BEND2: variants seen among roughly 807,000 people sequenced by gnomAD.
BEND2 encodes the protein BEN domain-containing protein 2.
BEND2 carries 19 observed loss-of-function variants against 43.8 expected under a neutral mutation model. That is an observed-to-expected ratio of 0.43 (90% CI 0.30 to 0.64). The LOEUF (loss-of-function observed/expected upper bound fraction) is 0.64, where lower values mean the gene tolerates loss of function less well. Ranked by LOEUF, BEND2 falls within the 30% of genes least tolerant of loss-of-function variation. The pLI, the probability that BEND2 is intolerant of heterozygous loss-of-function variation, is 0.11. For missense variants in BEND2, 544 were observed against 574.0 expected, an observed-to-expected ratio of 0.95 and a Z score of 0.53; for synonymous variants, 226 against 210.1, an observed-to-expected ratio of 1.08 and a Z score of -0.66.
chrX:18,200,119 TG>T (rs1197731928), intron 6 of BEND2, among the ~76,000 whole-genome samples: 1 of 110,631 alleles, frequency 9.0e-6, no homozygotes, highest in Admixed American at 9.6e-5. Context: ...ATCCAAAAAC[TG>T]GAAAAAAAAA....
At chrX:18,212,775 G>A (rs912951914) in intron 3 of BEND2, 95 bp from the exon 4 acceptor site, 7 of 546,947 alleles carry the variant, frequency 1.3e-5, no homozygotes, top group African/African-American at 2.3e-5. Flanking sequence ...AAATTGAATT[G>A]GACTTTGGGT....
At chrX:18,187,736 C>A (rs1276485425) in intron 8 of BEND2, among the ~76,000 whole-genome samples, 1 of 112,059 alleles carries the variant, frequency 8.9e-6, no homozygotes, top group Non-Finnish European at 1.9e-5. Flanking sequence ...GCACAAGAAT[C>A]ATTCTCAAGG....
At chrX:18,186,967 GAAA>G (rs764383363) in intron 8 of BEND2, among the ~76,000 whole-genome samples, 1 of 83,282 alleles carries the variant, frequency 1.2e-5, no homozygotes. Flanking sequence ...ACCCTGTCTG[GAAA>G]AAAAAAAAAA....
Position 18,191,036 on chromosome X carries a change from T to A in BEND2, c.1253A>T (p.Asp418Val). 8.3e-7 allele frequency: 1 copy of A among 1,209,823 alleles called. No homozygotes were observed. Among genetic ancestry groups the A allele is most frequent in the Non-Finnish European group, 1.1e-6 (1 of 894,530 alleles). The change falls in exon 8 of 14, where the codon GAT becomes GTT. Residue 418 changes from aspartate (D) to valine (V), a missense_variant. Transcript: ENST00000380033. ...TEMKNNCDQD[D>V]ASASACLTPD... ...AGTGAGGCAGGCAGATGCTGAAGCA[T>A]CATCTTGGTCACAGTTATTTTTCAT... is the stretch of plus-strand genomic sequence containing the variant.
chrX:18,185,084 C>G (rs1924520951), intron 8 of BEND2, among the ~76,000 whole-genome samples: 1 of 109,252 alleles, frequency 9.2e-6, no homozygotes, highest in Non-Finnish European at 1.9e-5. Context: ...AATTAGTGAG[C>G]TTGAAGACAG....
chrX:18,212,048 G>A (rs940513519), intron 4 of BEND2, among the ~76,000 whole-genome samples: 6 of 108,010 alleles, frequency 5.6e-5, no homozygotes, highest in Non-Finnish European at 9.6e-5. Flanking sequence ...ACTGGGAAGA[G>A]GTCCCAGGCC....
rs760029050 is a variant in BEND2 at position 18,198,538 on chromosome X, A to C, written c.1034-3096T>G. Reference sequence around the variant, plus strand: ...CACACCAGTTAGAATGGCAATCATTAAAAAGTCAGGAAACAACAGGTGCTG... The same window carrying C: ...CACACCAGTTAGAATGGCAATCATTCAAAAGTCAGGAAACAACAGGTGCTG... On this transcript the variant is annotated intron_variant, in intron 6 of 13. Transcript: ENST00000380033. Among the ~76,000 whole-genome samples the C allele has an allele frequency of 2.4e-3, 273 of 111,713 alleles. 4 individuals are homozygous for C. The highest frequency in any genetic ancestry group is 4.7e-3 in the Admixed American group (49 of 10,518).
chrX:18,201,947 A>G lies in BEND2; in HGVS notation c.908-7T>C. The G allele has an allele frequency of 8.3e-7, 1 of 1,206,348 alleles. No homozygotes were observed. On this transcript the variant is annotated splice_polypyrimidine_tract_variant and splice_region_variant and intron_variant, in intron 5 of 13. Coordinates refer to ENST00000380033, the MANE Select transcript of BEND2 (RefSeq NM_153346.5). ...GCTGGTCTTTCTGGCATTTCTGTAA[A>G]TAAAAAGTTTTCAAGAGCTGTAATA... is the stretch of plus-strand genomic sequence containing the variant.
intron 5 of BEND2, among the ~76,000 whole-genome samples, chrX:18,202,439 C>T (rs1186610417): frequency 8.9e-6 from 1 of 111,956 alleles, no homozygotes; most frequent in Non-Finnish European, 1.9e-5. Context: ...GATGATTAAG[C>T]TATGAGGGCT....
At chrX:18,176,130 A>G (rs1051619989) in intron 10 of BEND2, 37 bp from the exon 11 acceptor site, 1 of 1,165,543 alleles carries the variant, frequency 8.6e-7, no homozygotes, top group South Asian at 2.1e-5. Context: ...AAATTAGAAA[A>G]AAAAATTAAC....
rs150175819 is a variant in BEND2, at chrX:18,218,588, C to T, written c.26-1855G>A. The stretch of plus-strand genomic sequence containing the variant: ...TAGAAATTGTTTGAAGATGGCCGGG[C>T]GTGGTGGCTCTCACTCGTAATCCCC... On this transcript the variant is annotated intron_variant, in intron 1 of 13. Transcript: ENST00000380033. Among the ~76,000 whole-genome samples, 392 of 112,772 alleles carry T rather than the reference C, an allele frequency of 3.5e-3. 3 individuals are homozygous for T. The highest frequency in any genetic ancestry group is 0.011 in the African/African-American group (353 of 31,104).
chrX:18,172,923 G>C (rs1569115296), intron 12 of BEND2, among the ~76,000 whole-genome samples: 1 of 110,847 alleles, frequency 9.0e-6, no homozygotes, highest in African/African-American at 3.3e-5. Flanking sequence ...TATAATATTA[G>C]AGAAGGAGAG....
At chrX:18,184,341 GC>G (rs758722835) in intron 8 of BEND2, among the ~76,000 whole-genome samples, 1 of 111,547 alleles carries the variant, frequency 9.0e-6, no homozygotes, top group Admixed American at 9.5e-5. Flanking sequence ...AATTAGCCGG[GC>G]ATGGTGATGC....
At chrX:18,171,324 TA>T in intron 12 of BEND2, 120 bp from the exon 13 acceptor site, 1 of 809,376 alleles carries the variant, frequency 1.2e-6, no homozygotes, top group South Asian at 2.7e-5. Flanking sequence ...TTTGAGAGGT[TA>T]AAAAATTTAA....
At chrX:18,196,152 T>C (rs180951452) in intron 6 of BEND2, among the ~76,000 whole-genome samples, 1,508 of 108,975 alleles carry the variant, frequency 0.014, 28 homozygotes, top group African/African-American at 0.047. Context: ...TACAAAAATT[T>C]GCCGGGTGTG....
chrX:18,164,545 T>A lies in BEND2; in HGVS notation c.*464A>T, dbSNP rs1923772614. The A allele has an allele frequency of 8.9e-6, 1 of 112,846 alleles. No individual in the cohort carries two copies. Among genetic ancestry groups the A allele is most frequent in the African/African-American group, 3.2e-5 (1 of 30,913 alleles). 9.3% of individuals were successfully genotyped at this position (112,846 alleles called of 1,213,427 possible). On this transcript the variant is annotated 3_prime_UTR_variant, in exon 14 of 14. Coordinates refer to ENST00000380033, the MANE Select transcript of BEND2 (RefSeq NM_153346.5). ...CTCTAAAAGTTGAATTTTGAAAAGA[T>A]AACTTTGAAAATATGTATTCATTCT...
rs752495915 is a variant in BEND2 at position 18,203,499 on chromosome X, A to G, written c.907+2T>C. 3 of 1,200,518 alleles carry G rather than the reference A, an allele frequency of 2.5e-6. No individual in the cohort carries two copies. The Admixed American group carries it at 6.6e-5, about 26-fold the overall frequency. ...CTGTAATATGTGTCATTTCAAACTC[A>G]CCCAAATTGGGATGGAAGCAGAAAG... On this transcript the variant is annotated splice_donor_variant, in intron 5 of 13. Coordinates refer to ENST00000380033, the MANE Select transcript of BEND2 (RefSeq NM_153346.5). LOFTEE classifies it high-confidence loss of function.
At chrX:18,188,966 C>T (rs1387025328) in intron 8 of BEND2, among the ~76,000 whole-genome samples, 3 of 111,460 alleles carry the variant, frequency 2.7e-5, no homozygotes, top group East Asian at 5.6e-4. Context: ...TTTGGGAGGC[C>T]GAGGCGGGTG....
At chrX:18,200,620 A>G (rs1403837892) in intron 6 of BEND2, among the ~76,000 whole-genome samples, 1 of 111,168 alleles carries the variant, frequency 9.0e-6, no homozygotes, top group Non-Finnish European at 1.9e-5. Flanking sequence ...CCAAAATTAC[A>G]TACTGTAACA....
Sources: allele counts gnomAD v4.1 joint callset (sites outside exome capture counted in the v4.1 genomes callset), GRCh38; gene constraint gnomAD v4.1.1; transcripts MANE v1.5; gene names NCBI Gene and HGNC (gene_info 2026-07-23, HGNC 2026-07-21).